The following OR5M3 variants were observed in gnomAD, a reference collection of about 807,000 sequenced individuals.
OR5M3 encodes the protein olfactory receptor family 5 subfamily M member 3.
For synonymous variants in OR5M3, 129 were observed against 131.3 expected, an observed-to-expected ratio of 0.98 and a Z score of 0.12; for missense variants, 384 against 378.6, an observed-to-expected ratio of 1.01 and a Z score of -0.12.
rs1173917450 is a variant in OR5M3, at chr11:56,469,548, T to C, written c.*26A>G. The C allele has an allele frequency of 7.0e-7, 1 of 1,428,172 alleles. No homozygotes were observed. The highest frequency in any genetic ancestry group is 9.4e-7 in the Non-Finnish European group (1 of 1,061,650). The allele number at this position is 1,428,172 out of a possible 1,614,324, so 88.5% of individuals were successfully genotyped here. ...TCCAAACAAATAATAGAAGATAAAA[T>C]TAAATCAAATTTGATTTTATTTTGT... On this transcript the variant is annotated 3_prime_UTR_variant, in exon 2 of 2. Transcript: ENST00000641993.
chr11:56,469,321 AT>A lies in OR5M3; in HGVS notation c.*252del, dbSNP rs993186696. On this transcript the variant is annotated 3_prime_UTR_variant, in exon 2 of 2. Transcript: ENST00000641993. ...TCTTTTGGTTGCAGCTATTTGAGCA[AT>A]TTCCCTTAGTACACCTATGAACTTT... The A allele has an allele frequency of 1.7e-5, 5 of 299,762 alleles. No homozygotes were observed. Among genetic ancestry groups the A allele is most frequent in the Non-Finnish European group, 2.4e-5 (4 of 163,874 alleles). 18.6% of individuals were successfully genotyped at this position (299,762 alleles called of 1,614,324 possible).
intron 1 of OR5M3, among the ~76,000 whole-genome samples, chr11:56,470,753 G>T (rs184046488): frequency 1.3e-5 from 2 of 152,010 alleles, no homozygotes. Flanking sequence ...TACACTGGTA[G>T]TAAGTAATGT....
chr11:56,470,885 A>G (rs1384742837), intron 1 of OR5M3, among the ~76,000 whole-genome samples: 1 of 152,132 alleles, frequency 6.6e-6, no homozygotes, highest in Non-Finnish European at 1.5e-5. Context: ...TTTTCGTAAT[A>G]GAACTTAAAA....
chr11:56,471,411 A>G (rs969703317), intron 1 of OR5M3, among the ~76,000 whole-genome samples: 7 of 152,020 alleles, frequency 4.6e-5, no homozygotes, highest in Non-Finnish European at 8.8e-5. Context: ...GATGTATCAT[A>G]TAGGAAACTT....
In OR5M3 at chr11:56,470,132, CATGT is replaced by C; in HGVS notation, c.362_365del (p.Tyr121TrpfsTer21). ...CATAAAGCAGAGGATTCCCAATTGC[CATGT>C]ATCTATCAAAGGCCATCGCAGCAAG... On this transcript the variant is annotated frameshift_variant, in exon 2 of 2. Coordinates refer to ENST00000641993, the MANE Select transcript of OR5M3 (RefSeq NM_001004742.3). LOFTEE classifies it low-confidence loss of function (END_TRUNC). 6.6e-7 allele frequency: 1 copy of C among 1,519,124 alleles called. No individual in the cohort carries two copies. The allele number at this position is 1,519,124 out of a possible 1,614,324, so 94.1% of individuals were successfully genotyped here.
Position 56,470,106 on chromosome 11 carries a change from C to A in OR5M3, c.392G>T (p.Gly131Val). 1.2e-6 allele frequency: 2 copies of A among 1,602,966 alleles called. No homozygotes were observed. The highest frequency in any genetic ancestry group is 1.7e-6 in the Non-Finnish European group (2 of 1,170,748). The change falls in exon 2 of 2, where the codon GGC (glycine) becomes GTC (valine). Residue 131 changes from glycine to valine, a missense_variant. By Grantham distance (109) the Gly-to-Val change is moderately radical. Transcript: ENST00000641993. ...ACAGACAACCCTTGACATTTTACTG[C>A]CATAAAGCAGAGGATTCCCAATTGC... is the stretch of plus-strand genomic sequence containing the variant. The part of the protein sequence containing the change: ...YMAIGNPLLY[G>V]SKMSRVVCIR...
chr11:56,469,302 G>T lies in OR5M3; in HGVS notation c.*272C>A. The T allele has an allele frequency of 3.9e-6, 1 of 258,836 alleles. No homozygotes were observed. The highest frequency in any genetic ancestry group is 7.2e-6 in the Non-Finnish European group (1 of 138,478). The allele number at this position is 258,836 out of a possible 1,614,324, so 16.0% of individuals were successfully genotyped here. Reference sequence around the variant, plus strand: ...ACTTTTCAATAAGAAAACGTCTTTTGGTTGCAGCTATTTGAGCAATTTCCC... The same window carrying T: ...ACTTTTCAATAAGAAAACGTCTTTTTGTTGCAGCTATTTGAGCAATTTCCC... On this transcript the variant is annotated 3_prime_UTR_variant, in exon 2 of 2. Coordinates refer to ENST00000641993, the MANE Select transcript of OR5M3 (RefSeq NM_001004742.3).
chr11:56,472,570 T>C (rs1853678366), intron 1 of OR5M3, among the ~76,000 whole-genome samples: 1 of 152,038 alleles, frequency 6.6e-6, no homozygotes, highest in Non-Finnish European at 1.5e-5. Context: ...GTGACGGTTA[T>C]CCAGGTGATA....
Position 56,470,520 on chromosome 11 carries a change from C to G in OR5M3, c.-23G>C, listed in dbSNP as rs867153601. 32 of 1,445,612 alleles carry G rather than the reference C, an allele frequency of 2.2e-5. No homozygotes were observed. The highest frequency in any genetic ancestry group is 2.9e-5 in the African/African-American group (2 of 70,036). 89.5% of individuals were successfully genotyped at this position (1,445,612 alleles called of 1,614,324 possible). Reference sequence around the variant, plus strand: ...CATTTTCTGAATTCTAAGTCAATATCAGTTACAAAACTTTTTGATAACTAA... The same window carrying G: ...CATTTTCTGAATTCTAAGTCAATATGAGTTACAAAACTTTTTGATAACTAA... On this transcript the variant is annotated 5_prime_UTR_variant, in exon 2 of 2. It removes the in-frame stop codon of an upstream open reading frame in the 5' UTR. Coordinates refer to ENST00000641993, the MANE Select transcript of OR5M3 (RefSeq NM_001004742.3).
intron 1 of OR5M3, among the ~76,000 whole-genome samples, chr11:56,471,293 AGGTATAATAGG>A (rs1256013736): frequency 6.6e-6 from 1 of 152,076 alleles, no homozygotes; most frequent in East Asian, 1.9e-4. Context: ...ATTCTCATAG[AGGTATAATAGG>A]GACAGAAATT....
At chr11:56,470,965 T>C (rs558593324) in intron 1 of OR5M3, among the ~76,000 whole-genome samples, 17 of 152,104 alleles carry the variant, frequency 1.1e-4, no homozygotes, top group Non-Finnish European at 1.9e-4. Context: ...AAAAATCATA[T>C]GATGAAATAA....
In OR5M3 at chr11:56,469,607, C is replaced by T. The variant is rs1565148224; in HGVS notation, c.891G>A (p.Lys297=). 33 of 1,510,584 alleles carry T rather than the reference C, an allele frequency of 2.2e-5. No individual in the cohort carries two copies. The highest frequency in any genetic ancestry group is 1.8e-4 in the Middle Eastern group (1 of 5,620). 93.6% of individuals were successfully genotyped at this position (1,510,584 alleles called of 1,614,324 possible). A position where few individuals can be genotyped will look rare whatever the true frequency, so the allele number is the denominator to read the frequency against. ...ATCTGCTGATCACTTTCATCATGGC[C>T]TTTTTCACATCCTTGTTCCTCAGAC... is the stretch of plus-strand genomic sequence containing the variant. ...IYSLRNKDVK[K]AMMKVISRSC The change falls in exon 2 of 2, where the codon AAG becomes AAA. Residue 297 remains lysine (K), a synonymous_variant. Coordinates refer to ENST00000641993, the MANE Select transcript of OR5M3 (RefSeq NM_001004742.3).
chr11:56,471,375 T>C (rs1853665879), intron 1 of OR5M3, among the ~76,000 whole-genome samples: 1 of 152,062 alleles, frequency 6.6e-6, no homozygotes, highest in Non-Finnish European at 1.5e-5. Context: ...TTCTTGTATA[T>C]TTTGCAAATT....
intron 1 of OR5M3, among the ~76,000 whole-genome samples, chr11:56,472,574 G>C (rs1244550172): frequency 6.6e-6 from 1 of 151,998 alleles, no homozygotes. Context: ...CGGTTATCCA[G>C]GTGATAAATA....
In OR5M3 at chr11:56,470,465, A is replaced by G; in HGVS notation, c.33T>C (p.Ile11=). The G allele has an allele frequency of 6.2e-7, 1 of 1,605,054 alleles. No individual in the cohort carries two copies. Among genetic ancestry groups the G allele is most frequent in the Non-Finnish European group, 8.5e-7 (1 of 1,176,016 alleles). The change falls in exon 2 of 2, where the codon ATT becomes ATC. Residue 11 remains isoleucine, a synonymous_variant. Coordinates refer to ENST00000641993, the MANE Select transcript of OR5M3 (RefSeq NM_001004742.3). ...CTCGACGGCTCGTTAGCCCCAAAAG[A>G]ATGAACTCTGTCACATCGGTGAAAT... is the stretch of plus-strand genomic sequence containing the variant. MLNFTDVTEF[I]LLGLTSRREW... is the part of the protein sequence containing the mutation.
Position 56,470,253 on chromosome 11 carries a change from T to C in OR5M3, c.245A>G (p.Asn82Ser), listed in dbSNP as rs1282071322. 3.1e-6 allele frequency: 5 copies of C among 1,613,260 alleles called. No homozygotes were observed. Among genetic ancestry groups the C allele is most frequent in the South Asian group, 1.1e-5 (1 of 91,044 alleles). The stretch of plus-strand genomic sequence containing the variant: ...AATTGTTTTTTTATCTGATAACAGG[T>C]TTTCCAACATTTTAGGGGTGACATT... ...SSNVTPKMLE[N>S]LLSDKKTITY... The change falls in exon 2 of 2, where the codon AAC becomes AGC. Residue 82 changes from asparagine (N) to serine (S), a missense_variant. By Grantham distance (46) the Asn-to-Ser change is conservative. Transcript: ENST00000641993.
At chr11:56,470,839 T>C (rs1238879717) in intron 1 of OR5M3, among the ~76,000 whole-genome samples, 1 of 152,084 alleles carries the variant, frequency 6.6e-6, no homozygotes, top group Non-Finnish European at 1.5e-5. Context: ...GTTTGGAGTT[T>C]TATATTTTAA....
chr11:56,469,797 T>C lies in OR5M3; in HGVS notation c.701A>G (p.Lys234Arg). Residue 234 changes from lysine (K) to arginine (R), a missense_variant, in exon 2 of 2, where the codon AAG becomes AGG. Coordinates refer to ENST00000641993, the MANE Select transcript of OR5M3 (RefSeq NM_001004742.3). The stretch of plus-strand genomic sequence containing the variant: ...ATGGGACCCACATGTGGAAAAGGCC[T>C]TCTGCCTTCCTTCTGCTGAGCGCAT... ...LRMRSAEGRQ[K>R]AFSTCGSHLT... 6.2e-7 allele frequency: 1 copy of C among 1,611,410 alleles called. No homozygotes were observed. Among genetic ancestry groups the C allele is most frequent in the Non-Finnish European group, 8.5e-7 (1 of 1,177,624 alleles).
Position 56,470,100 on chromosome 11 carries a change from T to A in OR5M3, c.398A>T (p.Lys133Ile). Residue 133 changes from lysine to isoleucine, a missense_variant, in exon 2 of 2, where the codon AAA becomes ATA. Lys to Ile is a moderately radical substitution (Grantham distance 102). Coordinates refer to ENST00000641993, the MANE Select transcript of OR5M3 (RefSeq NM_001004742.3). The part of the protein sequence containing the change: ...AIGNPLLYGS[K>I]MSRVVCIRLI... ...TCGAATACAGACAACCCTTGACATT[T>A]TACTGCCATAAAGCAGAGGATTCCC... 1 of 1,604,462 alleles carries A rather than the reference T, an allele frequency of 6.2e-7. No individual in the cohort carries two copies. The highest frequency in any genetic ancestry group is 2.2e-5 in the East Asian group (1 of 44,872).
Sources: allele counts gnomAD v4.1 joint callset (sites outside exome capture counted in the v4.1 genomes callset), GRCh38; gene constraint gnomAD v4.1.1; transcripts MANE v1.5; gene names NCBI Gene and HGNC (gene_info 2026-07-23, HGNC 2026-07-21).